PLA2G2F: variants seen among roughly 807,000 people sequenced by gnomAD.
The protein encoded by PLA2G2F is group IIF secretory phospholipase A2.
In PLA2G2F, 17 loss-of-function variants were observed where a neutral mutation model predicts 15.9. The observed-to-expected ratio is 1.07, with a 90% CI of 0.73 to 1.60. The LOEUF (loss-of-function observed/expected upper bound fraction) is 1.60. Among genes scored for constraint, PLA2G2F ranks in the 40% most tolerant of loss-of-function variants. PLA2G2F has a pLI of 0.00. For synonymous variants in PLA2G2F, 119 were observed against 106.5 expected (o/e 1.12, Z -0.72); for missense variants, 299 against 278.2 (o/e 1.07, Z -0.53).
At chr1:20,148,143 C>A in intron 4 of PLA2G2F, 47 bp from the exon 5 acceptor site, 1 of 1,477,164 alleles carries the variant, frequency 6.8e-7, no homozygotes, top group Non-Finnish European at 9.5e-7. Flanking sequence ...CCTGGGGGAG[C>A]TGCTGCCCCT....
intron 4 of PLA2G2F, among the ~76,000 whole-genome samples, chr1:20,146,350 C>G (rs2017607087): frequency 6.6e-6 from 1 of 152,190 alleles, no homozygotes; most frequent in African/African-American, 2.4e-5. Flanking sequence ...CACTCGGACC[C>G]CACCTGCAGA....
intron 2 of PLA2G2F, 64 bp downstream of exon 2, chr1:20,140,282 G>T: frequency 6.4e-7 from 1 of 1,568,806 alleles, no homozygotes; most frequent in South Asian, 1.1e-5. Flanking sequence ...CCGTGACCTT[G>T]GGCGCCTGAG....
intron 2 of PLA2G2F, 140 bp from the exon 3 acceptor site, chr1:20,143,305 CT>C: frequency 8.9e-7 from 1 of 1,120,296 alleles, no homozygotes; most frequent in Non-Finnish European, 1.3e-6. Flanking sequence ...CTTGCCCCAG[CT>C]TCCTCTCCTG....
At chr1:20,148,048 T>TGG in intron 4 of PLA2G2F, 142 bp from the exon 5 acceptor site, 1 of 696,314 alleles carries the variant, frequency 1.4e-6, no homozygotes, top group Non-Finnish European at 2.6e-6. Flanking sequence ...GGCCCGTGGG[T>TGG]GGTGCTGGTC....
chr1:20,142,143 G>A (rs1443465694), intron 2 of PLA2G2F: 1 of 152,400 alleles, frequency 6.6e-6, no homozygotes, highest in Non-Finnish European at 1.5e-5. Context: ...ATTCAGGCTG[G>A]GGAGCAGGGT....
intron 4 of PLA2G2F, among the ~76,000 whole-genome samples, chr1:20,146,120 C>T (rs1350989508): frequency 6.6e-6 from 1 of 152,228 alleles, no homozygotes; most frequent in Non-Finnish European, 1.5e-5. Flanking sequence ...ACTTGGCTTT[C>T]AGCCGGCTCC....
At chr1:20,143,776 C>T (rs1399643812) in intron 3 of PLA2G2F, 186 bp downstream of exon 3, 4 of 707,436 alleles carry the variant, frequency 5.7e-6, no homozygotes, top group Non-Finnish European at 9.1e-6. Flanking sequence ...TGAGCGCTTT[C>T]TGTTGTCCAT....
At chr1:20,146,931 A>G (rs1288895994) in intron 4 of PLA2G2F, among the ~76,000 whole-genome samples, 1 of 152,162 alleles carries the variant, frequency 6.6e-6, no homozygotes, top group African/African-American at 2.4e-5. Context: ...CCCTGGGGCC[A>G]TCAGAGCCAG....
rs528483099 is a variant in PLA2G2F at position 20,140,115 on chromosome 1, T to G, written c.117-51T>G. The G allele has an allele frequency of 1.9e-5, 31 of 1,595,842 alleles. No individual in the cohort carries two copies. The African/African-American group carries it at 4.0e-4, about 21-fold the overall frequency. On this transcript the variant is annotated intron_variant, in intron 1 of 4. Transcript: ENST00000375102. ...AGGAAGGGAGCAGCAGGTCCAACAC[T>G]GCCAAGGGTGGAGGGGATGGACTCA...
rs2017417637 is a variant in PLA2G2F, at chr1:20,139,546, A to T, written c.116+3A>T. 4 of 1,513,154 alleles carry T rather than the reference A, an allele frequency of 2.6e-6. No individual in the cohort carries two copies. Among genetic ancestry groups the T allele is most frequent in the South Asian group, 1.3e-5 (1 of 77,820 alleles). The allele number at this position is 1,513,154 out of a possible 1,614,324, so 93.7% of individuals were successfully genotyped here. ...TCCTGTCCTTCAAGAACCTCCAGGT[A>T]GGTGCCTGTTGCCCTGAGATGGAAT... On this transcript the variant is annotated splice_donor_region_variant and intron_variant, in intron 1 of 4. Transcript: ENST00000375102.
rs952650985 is a variant in PLA2G2F at position 20,148,726 on chromosome 1, G to A, written c.*325G>A. Reference sequence around the variant, plus strand: ...TCTGAGTGGGGCCTCTGTTGCTGGCGCCAGTTTAACTCCCCGGAGCCTTAG... The same window carrying A: ...TCTGAGTGGGGCCTCTGTTGCTGGCACCAGTTTAACTCCCCGGAGCCTTAG... On this transcript the variant is annotated 3_prime_UTR_variant, in exon 5 of 5. Transcript: ENST00000375102. The A allele has an allele frequency of 2.8e-5, 10 of 359,046 alleles. No individual in the cohort carries two copies. The highest frequency in any genetic ancestry group is 5.3e-5 in the East Asian group (1 of 18,794). The allele number at this position is 359,046 out of a possible 1,614,324, so 22.2% of individuals were successfully genotyped here. A position where few individuals can be genotyped will look rare whatever the true frequency, so the allele number is the denominator to read the frequency against.
intron 4 of PLA2G2F, among the ~76,000 whole-genome samples, chr1:20,146,586 C>A (rs2017612986): frequency 6.6e-6 from 1 of 152,226 alleles, no homozygotes; most frequent in Non-Finnish European, 1.5e-5. Context: ...TGTGGGCAAC[C>A]ACTGGGCCCT....
intron 1 of PLA2G2F, 33 bp from the exon 2 acceptor site, chr1:20,140,133 T>G: frequency 6.2e-7 from 1 of 1,610,468 alleles, no homozygotes; most frequent in Non-Finnish European, 8.5e-7. Context: ...GTGGAGGGGA[T>G]GGACTCAAGC....
chr1:20,139,360 C>G lies in PLA2G2F; in HGVS notation c.-68C>G. 1 of 1,249,026 alleles carries G rather than the reference C, an allele frequency of 8.0e-7. No homozygotes were observed. Among genetic ancestry groups the G allele is most frequent in the Non-Finnish European group, 1.1e-6 (1 of 873,698 alleles). 77.4% of individuals were successfully genotyped at this position (1,249,026 alleles called of 1,614,324 possible). The stretch of plus-strand genomic sequence containing the variant: ...GGCAGCGTGAAGCTGGGGCCTGCTC[C>G]CCGCAGCCTCTGGAGCGCATCTCAG... On this transcript the variant is annotated 5_prime_UTR_variant, in exon 1 of 5. Coordinates refer to ENST00000375102, the MANE Select transcript of PLA2G2F (RefSeq NM_022819.4).
intron 3 of PLA2G2F, 54 bp downstream of exon 3, chr1:20,143,644 G>T (rs2017525314): frequency 6.3e-7 from 1 of 1,590,680 alleles, no homozygotes; most frequent in Non-Finnish European, 8.6e-7. Context: ...ACAGCTGAAG[G>T]TCAGACTGAC....
In PLA2G2F at chr1:20,149,855, G is replaced by A. The variant is rs910300020; in HGVS notation, c.*1454G>A. ...ACTCAGGGTCAGCAGCCTCCACGGA[G>A]CCAGCCCCACCTGCCCGAAAACCAC... On this transcript the variant is annotated 3_prime_UTR_variant, in exon 5 of 5. Transcript: ENST00000375102. 1 of 152,622 alleles carries A rather than the reference G, an allele frequency of 6.6e-6. No individual in the cohort carries two copies. The highest frequency in any genetic ancestry group is 1.5e-5 in the Non-Finnish European group (1 of 68,374). 9.5% of individuals were successfully genotyped at this position (152,622 alleles called of 1,614,324 possible). A position where few individuals can be genotyped will look rare whatever the true frequency, so the allele number is the denominator to read the frequency against.
rs2017429602 is a variant in PLA2G2F, at chr1:20,140,150, T to A, written c.117-16T>A. The A allele has an allele frequency of 1.4e-5, 23 of 1,613,144 alleles. No individual in the cohort carries two copies. The highest frequency in any genetic ancestry group is 1.8e-5 in the Non-Finnish European group (21 of 1,179,468). ...GGAGGGGATGGACTCAAGCTCCGGG[T>A]TTCGTCCTCCCTCAGGTCTAGCCTG... is the stretch of plus-strand genomic sequence containing the variant. On this transcript the variant is annotated splice_polypyrimidine_tract_variant and intron_variant, in intron 1 of 4. Transcript: ENST00000375102.
chr1:20,139,523 C>G lies in PLA2G2F; in HGVS notation c.96C>G (p.Ser32=). ...GGAGGGGCCCACGCTTCGGGGCCTC[C>G]TGTCCTTCAAGAACCTCCAGGTAGG... ...SGWRGPRFGA[S]CPSRTSRSSL... is the part of the protein sequence containing the mutation. Residue 32 remains serine (S), a synonymous_variant, in exon 1 of 5, where the codon TCC becomes TCG. Coordinates refer to ENST00000375102, the MANE Select transcript of PLA2G2F (RefSeq NM_022819.4). The G allele has an allele frequency of 1.9e-6, 3 of 1,555,944 alleles. No homozygotes were observed. The highest frequency in any genetic ancestry group is 2.6e-6 in the Non-Finnish European group (3 of 1,149,922).
intron 2 of PLA2G2F, 119 bp from the exon 3 acceptor site, chr1:20,143,327 C>A: frequency 2.3e-6 from 3 of 1,329,868 alleles, no homozygotes; most frequent in Non-Finnish European, 3.1e-6. Context: ...CTTTCTCCTT[C>A]CTTCTCCCAC....
Sources: allele counts gnomAD v4.1 joint callset (sites outside exome capture counted in the v4.1 genomes callset), GRCh38; gene constraint gnomAD v4.1.1; transcripts MANE v1.5; gene names NCBI Gene and HGNC (gene_info 2026-07-23, HGNC 2026-07-21).